DMXL2: variants seen among roughly 807,000 people sequenced by gnomAD.
The protein encoded by DMXL2 is Dmx like 2, also known as dmX-like protein 2.
Under a neutral mutation model 331.1 loss-of-function variants are expected in DMXL2, and 103 were observed. That is an observed-to-expected ratio of 0.31 (90% confidence interval 0.27 to 0.37). The LOEUF is 0.37. Ranked by LOEUF, DMXL2 falls within the 10% of genes least tolerant of loss-of-function variation. The pLI is 1.00. For synonymous variants in DMXL2, 1,281 were observed against 1,252.1 expected (o/e 1.02, Z -0.49); for missense variants, 3,171 against 3,642.9 (o/e 0.87, Z 3.33).
chr15:51,520,130 CT>C (rs1176977962), intron 13 of DMXL2, among the ~76,000 whole-genome samples: 2 of 152,210 alleles, frequency 1.3e-5, no homozygotes, highest in African/African-American at 4.8e-5. Flanking sequence ...TTACAGTTTA[CT>C]ATGCACATTC....
chr15:51,547,429 T>C (rs1232785382), intron 6 of DMXL2, 21 bp from the exon 7 acceptor site: 4 of 1,529,890 alleles, frequency 2.6e-6, no homozygotes, highest in African/African-American at 1.4e-5. Context: ...CATAGGTCAA[T>C]ATAAAATTAA....
At chr15:51,516,524 T>G (rs2047046089) in intron 14 of DMXL2, among the ~76,000 whole-genome samples, 1 of 152,250 alleles carries the variant, frequency 6.6e-6, no homozygotes, top group African/African-American at 2.4e-5. Flanking sequence ...GACCCTTCTA[T>G]GCAGCTGCAC....
chr15:51,476,945 T>C (rs893673486), intron 26 of DMXL2, among the ~76,000 whole-genome samples: 1 of 152,152 alleles, frequency 6.6e-6, no homozygotes, highest in Non-Finnish European at 1.5e-5. Context: ...AGATGACACT[T>C]ATTCCTTTAG....
At chr15:51,604,302 GAAA>G (rs912657346) in intron 1 of DMXL2, among the ~76,000 whole-genome samples, 1 of 106,250 alleles carries the variant, frequency 9.4e-6, no homozygotes, top group Admixed American at 9.5e-5. Flanking sequence ...CTGCAATAAG[GAAA>G]AAAAAAAAAA....
At chr15:51,478,458 G>T in intron 25 of DMXL2, 111 bp from the exon 26 acceptor site, 1 of 882,082 alleles carries the variant, frequency 1.1e-6, no homozygotes. Flanking sequence ...AAATAAGACT[G>T]AATCCTAGAT....
chr15:51,563,439 A>C lies in DMXL2; in HGVS notation c.509T>G (p.Val170Gly). 6.2e-7 allele frequency: 1 copy of C among 1,605,150 alleles called. No individual in the cohort carries two copies. The highest frequency in any genetic ancestry group is 1.1e-5 in the South Asian group (1 of 89,106). Residue 170 changes from valine (V) to glycine (G), a missense_variant, in exon 6 of 44, where the codon GTA becomes GGA. Physicochemically the swap from Val to Gly is moderately radical, Grantham distance 109. Transcript: ENST00000560891. The part of the protein sequence containing the change: ...WKCVWQCKTS[V>G]SVHLMEWSPD... ...AGACCATTCCATCAAATGTACAGATACTGAGGTTCTAAAAAAGAGAGAGTT... is the reference window on the plus strand; with the variant it reads ...AGACCATTCCATCAAATGTACAGATCCTGAGGTTCTAAAAAAGAGAGAGTT...
intron 1 of DMXL2, among the ~76,000 whole-genome samples, chr15:51,576,883 A>T (rs1352728014): frequency 1.3e-5 from 2 of 152,204 alleles, no homozygotes; most frequent in African/African-American, 2.4e-5. Flanking sequence ...ATATTGGGCA[A>T]ATACCACTAT....
chr15:51,458,462 ACTT>A, intron 36 of DMXL2, 41 bp downstream of exon 36: 1 of 1,594,030 alleles, frequency 6.3e-7, no homozygotes, highest in Non-Finnish European at 8.6e-7. Flanking sequence ...TTTGGTGGGT[ACTT>A]CTTACAGAAA....
At chr15:51,605,486 C>G (rs1389650326) in intron 1 of DMXL2, among the ~76,000 whole-genome samples, 1 of 147,964 alleles carries the variant, frequency 6.8e-6, no homozygotes, top group African/African-American at 2.5e-5. Flanking sequence ...TAGGTGTGAG[C>G]TACCCGGCCC....
chr15:51,622,346 G>C, intron 1 of DMXL2, 113 bp downstream of exon 1: 1 of 1,400,540 alleles, frequency 7.1e-7, no homozygotes, highest in Non-Finnish European at 9.7e-7. Context: ...GCCACGGGTG[G>C]GGCCCACCAA....
chr15:51,450,388 T>A, intron 42 of DMXL2, 42 bp from the exon 43 acceptor site: 1 of 1,592,082 alleles, frequency 6.3e-7, no homozygotes, highest in Non-Finnish European at 8.6e-7. Context: ...AAACAATTTC[T>A]TGTCTTGGTA....
At chr15:51,520,153 T>C (rs1305939609) in intron 13 of DMXL2, among the ~76,000 whole-genome samples, 1 of 152,244 alleles carries the variant, frequency 6.6e-6, no homozygotes, top group African/African-American at 2.4e-5. Flanking sequence ...TCTACCTCTG[T>C]GCATTGTTAG....
intron 2 of DMXL2, among the ~76,000 whole-genome samples, chr15:51,574,749 A>C (rs2050905910): frequency 6.6e-6 from 1 of 152,230 alleles, no homozygotes; most frequent in Admixed American, 6.5e-5. Context: ...ACATTAAACC[A>C]TCTCAAGAAA....
At position 51,530,652 on chromosome 15, in the gene DMXL2, G is replaced by A. The variant is rs534207514; in HGVS notation, c.2436+5011C>T. 6.6e-5 allele frequency among the ~76,000 whole-genome samples: 10 copies of A among 152,104 alleles called. No homozygotes were observed. The East Asian group carries it at 1.9e-3, about 29-fold the overall frequency. ...TGCCTGTAGTCCCAGCTACTCTGGA[G>A]GCTGAGGCAGAAGAATCACTTGAAC... On this transcript the variant is annotated intron_variant, in intron 13 of 43. Transcript: ENST00000560891.
intron 28 of DMXL2, among the ~76,000 whole-genome samples, chr15:51,472,105 T>C (rs74013220): frequency 0.048 from 7,380 of 152,202 alleles, 511 homozygotes; most frequent in African/African-American, 0.16. Context: ...GGGTTGTATA[T>C]GAGTGATACA....
chr15:51,583,106 C>CTTTTTTTTTTTTTCTTT (rs2051563028), intron 1 of DMXL2, among the ~76,000 whole-genome samples: 6 of 87,178 alleles, frequency 6.9e-5, no homozygotes, highest in East Asian at 2.9e-4. Context: ...CTTCATTCTT[C>CTTTTTTTTTTTTTCTTT]TTTTTTTTTT....
chr15:51,454,678 G>T (rs2039461474), intron 40 of DMXL2, among the ~76,000 whole-genome samples: 1 of 152,058 alleles, frequency 6.6e-6, no homozygotes, highest in African/African-American at 2.4e-5. Context: ...TGTATTTTTA[G>T]TAGAGAGGGG....
intron 6 of DMXL2, among the ~76,000 whole-genome samples, chr15:51,549,144 T>C (rs528097626): frequency 1.1e-3 from 167 of 152,202 alleles, no homozygotes; most frequent in South Asian, 3.1e-3. Context: ...CCAAAGTCCA[T>C]TGTATCATTC....
chr15:51,527,277 A>G (rs1439072489), intron 13 of DMXL2, among the ~76,000 whole-genome samples: 1 of 152,196 alleles, frequency 6.6e-6, no homozygotes, highest in South Asian at 2.1e-4. Flanking sequence ...TTACCCTAGA[A>G]GAGTGTATCT....
Sources: gnomAD v4.1 joint callset for allele counts (sites outside exome capture counted in the v4.1 genomes callset) on GRCh38, gnomAD v4.1.1 for gene constraint, MANE v1.5 for transcripts, NCBI Gene and HGNC (gene_info 2026-07-23, HGNC 2026-07-21) for gene names.